IMMP1L: variants seen among roughly 807,000 people sequenced by gnomAD.
IMMP1L encodes the protein mitochondrial inner membrane protease subunit 1.
In IMMP1L, 24 loss-of-function variants were observed where a neutral mutation model predicts 21.8. The ratio of observed to expected loss-of-function variants is 1.10; its 90% CI spans 0.80 to 1.55. The LOEUF (loss-of-function observed/expected upper bound fraction) is 1.55, where lower values mean the gene tolerates loss of function less well. IMMP1L is among the 40% of genes most tolerant of loss of function. The pLI is 0.00. For synonymous variants in IMMP1L, 46 were observed against 62.8 expected (o/e 0.73, Z 1.26); for missense variants, 195 against 200.7 (o/e 0.97, Z 0.17).
chr11:31,452,872 T>A, intron 4 of IMMP1L: 1 of 643,672 alleles, frequency 1.6e-6, no homozygotes, highest in Non-Finnish European at 2.1e-6. Flanking sequence ...TGCCTCAGCC[T>A]CCCAAGTAGC....
chr11:31,436,339 A>G (rs1213402841), intron 4 of IMMP1L, among the ~76,000 whole-genome samples: 2 of 152,230 alleles, frequency 1.3e-5, no homozygotes, highest in African/African-American at 4.8e-5. Context: ...GTAAATAGAA[A>G]TTCTTTGAAA....
intron 4 of IMMP1L, among the ~76,000 whole-genome samples, chr11:31,454,469 A>C (rs767377472): frequency 8.6e-5 from 13 of 151,186 alleles, no homozygotes; most frequent in Non-Finnish European, 1.9e-4. Flanking sequence ...AAAAAAAAAA[A>C]AAAAAACTGA....
chr11:31,460,602 A>T, intron 3 of IMMP1L, 24 bp downstream of exon 3: 1 of 1,422,850 alleles, frequency 7.0e-7, no homozygotes, highest in Non-Finnish European at 9.9e-7. Context: ...CTGTAAATTT[A>T]ATATATCCAT....
chr11:31,496,075 G>A lies in IMMP1L; in HGVS notation c.-30+13444C>T, dbSNP rs568996944. Reference sequence around the variant, plus strand: ...TATCATACATCTAATTAAGGGTCACGGTCCAGAATATATAAAGAACTCCTA... The same window carrying A: ...TATCATACATCTAATTAAGGGTCACAGTCCAGAATATATAAAGAACTCCTA... On this transcript the variant is annotated intron_variant, in intron 1 of 5. Coordinates refer to ENST00000532287, the MANE Select transcript of IMMP1L (RefSeq NM_001304274.2). 4.8e-4 allele frequency among the ~76,000 whole-genome samples: 73 copies of A among 151,336 alleles called. 1 individual carries two copies. The South Asian group carries it at 0.011, about 23-fold the overall frequency.
intron 1 of IMMP1L, among the ~76,000 whole-genome samples, chr11:31,481,114 A>G (rs956386500): frequency 1.3e-5 from 2 of 152,108 alleles, no homozygotes; most frequent in Non-Finnish European, 2.9e-5. Context: ...AAAGGCCATC[A>G]CCACAGCTAG....
At chr11:31,467,098 AGTT>A (rs1357349199) in intron 1 of IMMP1L, among the ~76,000 whole-genome samples, 2 of 152,158 alleles carry the variant, frequency 1.3e-5, no homozygotes, top group Non-Finnish European at 2.9e-5. Context: ...GTATCTTAGT[AGTT>A]GTTGGTTGTA....
At chr11:31,444,852 T>C (rs1252232369) in intron 4 of IMMP1L, among the ~76,000 whole-genome samples, 1 of 152,186 alleles carries the variant, frequency 6.6e-6, no homozygotes, top group African/African-American at 2.4e-5. Context: ...ATTGAATGCT[T>C]AGGCCCTTAT....
intron 2 of IMMP1L, among the ~76,000 whole-genome samples, chr11:31,461,637 C>G (rs941985896): frequency 1.3e-5 from 2 of 152,062 alleles, no homozygotes; most frequent in Admixed American, 1.3e-4. Flanking sequence ...GCACAAAATT[C>G]TTTAAAATAG....
rs181139974 is a variant in IMMP1L at position 31,508,705 on chromosome 11, A to G, written c.-30+814T>C. Among the ~76,000 whole-genome samples the G allele has an allele frequency of 4.5e-4, 69 of 152,356 alleles. 1 individual carries two copies. Among genetic ancestry groups the G allele is most frequent in the East Asian group, 1.5e-3 (8 of 5,186 alleles). ...GTATCACAGATCACTGTCAAAGTCA[A>G]TAACTCAGTAGTGCGGTAATGATTT... On this transcript the variant is annotated intron_variant, in intron 1 of 5. Coordinates refer to ENST00000532287, the MANE Select transcript of IMMP1L (RefSeq NM_001304274.2).
intron 4 of IMMP1L, among the ~76,000 whole-genome samples, chr11:31,451,386 G>C (rs978599674): frequency 6.6e-6 from 1 of 151,776 alleles, no homozygotes; most frequent in East Asian, 1.9e-4. Flanking sequence ...AAATGAGAGA[G>C]ATGAGTTTAT....
chr11:31,436,346 G>A (rs1591936672), intron 4 of IMMP1L, among the ~76,000 whole-genome samples: 1 of 152,146 alleles, frequency 6.6e-6, no homozygotes, highest in African/African-American at 2.4e-5. Context: ...GAAATTCTTT[G>A]AAAGCACAAT....
At chr11:31,445,810 G>A (rs1279610415) in intron 4 of IMMP1L, among the ~76,000 whole-genome samples, 2 of 151,346 alleles carry the variant, frequency 1.3e-5, no homozygotes, top group Admixed American at 1.3e-4. Context: ...ATTTTTTAGT[G>A]ATGATGCATG....
intron 1 of IMMP1L, among the ~76,000 whole-genome samples, chr11:31,481,888 G>A (rs907241460): frequency 1.3e-5 from 2 of 151,848 alleles, no homozygotes; most frequent in African/African-American, 4.8e-5. Flanking sequence ...AAGTAACAGG[G>A]ATTGTGTCTG....
In IMMP1L at chr11:31,493,938, C is replaced by T. The variant is rs532386028; in HGVS notation, c.-30+15581G>A. Among the ~76,000 whole-genome samples the T allele has an allele frequency of 1.2e-4, 19 of 152,358 alleles. No homozygotes were observed. The South Asian group carries it at 1.4e-3, about 12-fold the overall frequency. ...ATGGCCTTGGGCAACTCCGCCTCTACGGCTTTGCAGGGTACAGCTCCCCTC... is the reference window on the plus strand; with the variant it reads ...ATGGCCTTGGGCAACTCCGCCTCTATGGCTTTGCAGGGTACAGCTCCCCTC... On this transcript the variant is annotated intron_variant, in intron 1 of 5. Coordinates refer to ENST00000532287, the MANE Select transcript of IMMP1L (RefSeq NM_001304274.2).
rs748155663 is a variant in IMMP1L at position 31,444,692 on chromosome 11, C to T, written c.322-11122G>A. ...GCAACCTCTGCCACCTGGGTTCAAG[C>T]GATTCCCCTGCCTCAGCCTCAAGAG... On this transcript the variant is annotated intron_variant, in intron 4 of 5. Coordinates refer to ENST00000532287, the MANE Select transcript of IMMP1L (RefSeq NM_001304274.2). Among the ~76,000 whole-genome samples the T allele has an allele frequency of 1.4e-4, 21 of 151,472 alleles. No homozygotes were observed. In the East Asian group the frequency reaches 2.3e-3, roughly 17 times the overall value.
At chr11:31,475,865 C>T (rs1027755401) in intron 1 of IMMP1L, among the ~76,000 whole-genome samples, 3 of 152,028 alleles carry the variant, frequency 2.0e-5, no homozygotes, top group African/African-American at 7.2e-5. Flanking sequence ...ATAAGAGTGA[C>T]CCCTAGAACG....
chr11:31,481,854 A>G (rs1430313561), intron 1 of IMMP1L, among the ~76,000 whole-genome samples: 2 of 152,042 alleles, frequency 1.3e-5, no homozygotes, highest in African/African-American at 4.8e-5. Context: ...TTAAAATCCT[A>G]AGCTTTAAAG....
intron 1 of IMMP1L, among the ~76,000 whole-genome samples, chr11:31,473,096 CT>C (rs2133716511): frequency 6.6e-6 from 1 of 152,280 alleles, no homozygotes; most frequent in East Asian, 1.9e-4. Flanking sequence ...GTCGCCCAGG[CT>C]GGAGTGTAGT....
intron 4 of IMMP1L, among the ~76,000 whole-genome samples, chr11:31,453,900 G>A (rs933448080): frequency 6.6e-6 from 1 of 152,192 alleles, no homozygotes; most frequent in African/African-American, 2.4e-5. Context: ...GAAAGAAGTA[G>A]TAGTGGCATC....
Sources: allele counts gnomAD v4.1 joint callset (sites outside exome capture counted in the v4.1 genomes callset), GRCh38; gene constraint gnomAD v4.1.1; transcripts MANE v1.5; gene names NCBI Gene and HGNC (gene_info 2026-07-23, HGNC 2026-07-21).